Variants in ZNF8 observed in about 807,000 individuals in gnomAD.
ZNF8 encodes the protein zinc finger protein 8.
ZNF8 carries 9 observed loss-of-function variants against 12.2 expected under a neutral mutation model. The observed-to-expected ratio is 0.73, with a 90% CI of 0.44 to 1.28. The LOEUF is 1.28. Among genes scored for constraint, ZNF8 ranks in the 50% most tolerant of loss-of-function variants. ZNF8 has a pLI of 0.00. For missense variants in ZNF8, 664 were observed against 729.1 expected (o/e 0.91, Z 1.03); for synonymous variants, 274 against 282.3 (o/e 0.97, Z 0.30).
At chr19:58,287,077 TCG>T (rs1364589666) in intron 3 of ZNF8, among the ~76,000 whole-genome samples, 1 of 152,206 alleles carries the variant, frequency 6.6e-6, no homozygotes, top group Non-Finnish European at 1.5e-5. Context: ...TCTCACTCTA[TCG>T]CCTAGGCTGG....
rs150984748 is a variant in ZNF8 at position 58,293,420 on chromosome 19, C to T, written c.290-678C>T. On this transcript the variant is annotated intron_variant, in intron 3 of 3. Transcript: ENST00000621650. ...ACTACTTGTCATTTCTAGGCACTGG[C>T]TGTGAACATTCTAGTGCGGTGAGGT... Among the ~76,000 whole-genome samples the T allele has an allele frequency of 8.7e-3, 1,325 of 152,302 alleles. 12 individuals carry two copies. Among genetic ancestry groups the T allele is most frequent in the Admixed American group, 0.014 (219 of 15,294 alleles).
rs770685554 is a variant in ZNF8 at position 58,294,141 on chromosome 19, G to C, written c.333G>C (p.Glu111Asp). The C allele has an allele frequency of 1.1e-5, 17 of 1,611,912 alleles. No individual in the cohort carries two copies. In the Admixed American group the frequency reaches 2.8e-4, roughly 27 times the overall value. ...RSESQASRKE[E>D]GLPEEEPSHV... is the part of the protein sequence containing the mutation. ...AAAGCCAAGCATCACGCAAGGAAGA[G>C]GGCCTGCCTGAAGAGGAGCCATCCC... Residue 111 changes from glutamate to aspartate, a missense_variant, in exon 4 of 4, where the codon GAG becomes GAC. Transcript: ENST00000621650. The surrounding 1 kb of genome is among the most constrained non-coding windows in gnomAD (Gnocchi z 5.5).
chr19:58,282,784 C>T (rs892286434), intron 1 of ZNF8, among the ~76,000 whole-genome samples: 1 of 151,000 alleles, frequency 6.6e-6, no homozygotes, highest in African/African-American at 2.4e-5. Flanking sequence ...CACGCTGCCA[C>T]GCCCGGCTAA....
rs1379948779 is a variant in ZNF8 at position 58,299,555 on chromosome 19, G to T, written c.*4019G>T. On this transcript the variant is annotated 3_prime_UTR_variant, in exon 4 of 4. Transcript: ENST00000621650. ...GAGGCCGAGATGGGCAGATCACGAG[G>T]TCAGGAGATCGAGACCAGCCTGGCT... 2.6e-5 allele frequency: 4 copies of T among 151,508 alleles called. No homozygotes were observed. Among genetic ancestry groups the T allele is most frequent in the Non-Finnish European group, 4.4e-5 (3 of 67,964 alleles). The allele number at this position is 151,508 out of a possible 1,614,324, so 9.4% of individuals were successfully genotyped here.
rs1173162512 is a variant in ZNF8 at position 58,282,331 on chromosome 19, G to A, written c.66+3184G>A. Reference sequence around the variant, plus strand: ...CAGATTCTTTGCCTATTTTAACTGGGTTGTCTTTTTATTACTGAGTTGTAT... The same window carrying A: ...CAGATTCTTTGCCTATTTTAACTGGATTGTCTTTTTATTACTGAGTTGTAT... On this transcript the variant is annotated intron_variant, in intron 1 of 3. Coordinates refer to ENST00000621650, the MANE Select transcript of ZNF8 (RefSeq NM_021089.3). Among the ~76,000 whole-genome samples the A allele has an allele frequency of 2.6e-5, 4 of 151,948 alleles. 1 individual carries two copies. Among genetic ancestry groups the A allele is most frequent in the Admixed American group, 2.0e-4 (3 of 15,248 alleles).
intron 3 of ZNF8, among the ~76,000 whole-genome samples, chr19:58,289,015 T>G (rs2051401432): frequency 6.6e-6 from 1 of 152,236 alleles, no homozygotes. Context: ...TTGCATGGAT[T>G]AGGAGTATGG....
Position 58,294,902 on chromosome 19 carries a change from G to C in ZNF8, c.1094G>C (p.Gly365Ala). 6.2e-7 allele frequency: 1 copy of C among 1,614,130 alleles called. No individual in the cohort carries two copies. Residue 365 changes from glycine to alanine, a missense_variant, in exon 4 of 4, where the codon GGG (glycine) becomes GCG (alanine). Transcript: ENST00000621650. The surrounding 1 kb of genome is among the most constrained non-coding windows in gnomAD (Gnocchi z 5.5). ...SLGRHKRTHT[G>A]EKPYTCSVCG... is the part of the protein sequence containing the mutation. ...GGGCGGCACAAGAGGACACACACTG[G>C]GGAGAAGCCATACACCTGCAGTGTG...
intron 3 of ZNF8, among the ~76,000 whole-genome samples, chr19:58,292,260 G>C (rs908532122): frequency 6.6e-5 from 10 of 152,108 alleles, no homozygotes; most frequent in Non-Finnish European, 1.5e-4. Flanking sequence ...CACCGCCTGG[G>C]TGTCTTGTAC....
rs1456272707 is a variant in ZNF8 at position 58,294,767 on chromosome 19, A to G, written c.959A>G (p.Lys320Arg). The change falls in exon 4 of 4, where the codon AAG (lysine) becomes AGG (arginine). Residue 320 changes from lysine to arginine, a missense_variant. Coordinates refer to ENST00000621650, the MANE Select transcript of ZNF8 (RefSeq NM_021089.3). The surrounding 1 kb of genome is among the most constrained non-coding windows in gnomAD (Gnocchi z 5.5). ...CCCTACAAGTGTGCCGAATGTGGGA[A>G]GTCTTTCTGCCATAGTACACACCTT... is the stretch of plus-strand genomic sequence containing the variant. The part of the protein sequence containing the change: ...DKPYKCAECG[K>R]SFCHSTHLTV... 2.5e-6 allele frequency: 4 copies of G among 1,614,170 alleles called. No individual in the cohort carries two copies. Among genetic ancestry groups the G allele is most frequent in the Non-Finnish European group, 3.4e-6 (4 of 1,180,032 alleles).
intron 3 of ZNF8, among the ~76,000 whole-genome samples, chr19:58,290,683 C>T (rs73568690): frequency 0.025 from 3,748 of 152,052 alleles, 159 homozygotes; most frequent in African/African-American, 0.083. Context: ...TTGCTTAAGC[C>T]CAGGAGTTCA....
rs924967725 is a variant in ZNF8 at position 58,294,046 on chromosome 19, C to T, written c.290-52C>T. ...GGCCTATGGTGTTGGAGGCCTGTCCCCCTTCCGTTTTTTTCTCCCAACAGC... is the reference window on the plus strand; with the variant it reads ...GGCCTATGGTGTTGGAGGCCTGTCCTCCTTCCGTTTTTTTCTCCCAACAGC... On this transcript the variant is annotated intron_variant, in intron 3 of 3. Transcript: ENST00000621650. The surrounding 1 kb of genome is among the most constrained non-coding windows in gnomAD (Gnocchi z 5.5). 6.6e-7 allele frequency: 1 copy of T among 1,521,856 alleles called. No individual in the cohort carries two copies. Among genetic ancestry groups the T allele is most frequent in the African/African-American group, 1.4e-5 (1 of 72,190 alleles). The allele number at this position is 1,521,856 out of a possible 1,614,324, so 94.3% of individuals were successfully genotyped here.
chr19:58,289,941 G>A (rs192056930), intron 3 of ZNF8, among the ~76,000 whole-genome samples: 4 of 151,796 alleles, frequency 2.6e-5, no homozygotes, highest in Admixed American at 2.6e-4. Context: ...GAGACTACAG[G>A]CCGTGCCACC....
Position 58,297,598 on chromosome 19 carries a change from A to T in ZNF8, c.*2062A>T, listed in dbSNP as rs1280451427. 6.6e-6 allele frequency: 1 copy of T among 151,982 alleles called. No individual in the cohort carries two copies. The highest frequency in any genetic ancestry group is 2.4e-5 in the African/African-American group (1 of 41,358). The allele number at this position is 151,982 out of a possible 1,614,324, so 9.4% of individuals were successfully genotyped here. A position where few individuals can be genotyped will look rare whatever the true frequency, so the allele number is the denominator to read the frequency against. On this transcript the variant is annotated 3_prime_UTR_variant, in exon 4 of 4. Coordinates refer to ENST00000621650, the MANE Select transcript of ZNF8 (RefSeq NM_021089.3). ...CTGATTTTTTTTATTTTTTGCAGAG[A>T]CAGGGTCTCACTGTGTTGCCTAGGC...
rs1385563808 is a variant in ZNF8, at chr19:58,295,385, G to A, written c.1577G>A (p.Gly526Asp). The change falls in exon 4 of 4, where the codon GGC becomes GAC. Residue 526 changes from glycine (G) to aspartate (D), a missense_variant. By Grantham distance (94) the Gly-to-Asp change is moderately conservative. Transcript: ENST00000621650. Reference sequence around the variant, plus strand: ...CCGAACTCCAGAAAGAGCTCTGCAGGCGGAGCAAAGGCAGGGCAGCCGGAA... The same window carrying A: ...CCGAACTCCAGAAAGAGCTCTGCAGACGGAGCAAAGGCAGGGCAGCCGGAA... ...QHPNSRKSSA[G>D]GAKAGQPESR... is the part of the protein sequence containing the mutation. The A allele has an allele frequency of 6.2e-7, 1 of 1,614,050 alleles. No homozygotes were observed. The highest frequency in any genetic ancestry group is 8.5e-7 in the Non-Finnish European group (1 of 1,180,024).
In ZNF8 at chr19:58,298,413, C is replaced by G. The variant is rs926306576; in HGVS notation, c.*2877C>G. ...AATCTTGGCTCACTGCAACCTCCGC[C>G]TCCCGGGTTCAAGCAGTTCTCATGC... On this transcript the variant is annotated 3_prime_UTR_variant, in exon 4 of 4. Transcript: ENST00000621650. 5 of 152,336 alleles carry G rather than the reference C, an allele frequency of 3.3e-5. No individual in the cohort carries two copies. The highest frequency in any genetic ancestry group is 1.2e-4 in the African/African-American group (5 of 41,412). The allele number at this position is 152,336 out of a possible 1,614,324, so 9.4% of individuals were successfully genotyped here.
intron 3 of ZNF8, among the ~76,000 whole-genome samples, chr19:58,291,561 C>G (rs1046290571): frequency 6.6e-6 from 1 of 152,190 alleles, no homozygotes; most frequent in Non-Finnish European, 1.5e-5. Context: ...CGAGCCTGTT[C>G]CATGGATGTT....
At chr19:58,286,284 T>C in intron 3 of ZNF8, 79 bp downstream of exon 3, 1 of 1,318,616 alleles carries the variant, frequency 7.6e-7, no homozygotes, top group East Asian at 2.4e-5. Context: ...GAAAGGGTGG[T>C]GGTTGGTGGT....
intron 3 of ZNF8, among the ~76,000 whole-genome samples, chr19:58,290,248 C>A (rs577649691): frequency 1.0e-3 from 149 of 148,666 alleles, no homozygotes; most frequent in African/African-American, 3.6e-3. Context: ...GTAGCTGGGA[C>A]TACAGGTGCC....
chr19:58,287,223 A>G (rs1263927688), intron 3 of ZNF8, among the ~76,000 whole-genome samples: 3 of 151,890 alleles, frequency 2.0e-5, no homozygotes, highest in African/African-American at 7.3e-5. Context: ...TATTTTTAGT[A>G]GAGATGGGAT....
Sources: allele counts gnomAD v4.1 joint callset (sites outside exome capture counted in the v4.1 genomes callset), GRCh38; gene constraint gnomAD v4.1.1; non-coding constraint Gnocchi (gnomAD v3.1); transcripts MANE v1.5; gene names NCBI Gene and HGNC (gene_info 2026-07-23, HGNC 2026-07-21).